Variants in SLC5A1 observed in about 807,000 individuals in gnomAD.
SLC5A1 encodes sodium/glucose cotransporter 1.
In SLC5A1, 42 loss-of-function variants were observed where a neutral mutation model predicts 73.5. That is an observed-to-expected ratio of 0.57 (90% CI 0.45 to 0.74). SLC5A1 has a LOEUF of 0.74. Ranked by LOEUF, SLC5A1 falls within the 30% of genes least tolerant of loss-of-function variation. SLC5A1 has a pLI of 0.00. For synonymous variants in SLC5A1, 300 were observed against 317.4 expected (o/e 0.95, Z 0.58); for missense variants, 634 against 855.4 (o/e 0.74, Z 3.23).
intron 2 of SLC5A1, among the ~76,000 whole-genome samples, chr22:32,064,798 G>A (rs2093969909): frequency 6.6e-6 from 1 of 152,120 alleles, no homozygotes; most frequent in South Asian, 2.1e-4. Context: ...CTAAGCCAGG[G>A]ATAGTCTCCC....
At chr22:32,057,935 T>G (rs1380602906) in intron 2 of SLC5A1, among the ~76,000 whole-genome samples, 1 of 152,226 alleles carries the variant, frequency 6.6e-6, no homozygotes, top group Admixed American at 6.5e-5. Flanking sequence ...CTGAGACAGC[T>G]CTGGAATTGT....
At chr22:32,050,320 A>G (rs2093943576) in intron 2 of SLC5A1, among the ~76,000 whole-genome samples, 1 of 152,256 alleles carries the variant, frequency 6.6e-6, no homozygotes, top group Admixed American at 6.5e-5. Context: ...CCCAAGGAAC[A>G]TATCACAGGG....
intron 11 of SLC5A1, among the ~76,000 whole-genome samples, chr22:32,094,825 T>G (rs2149495184): frequency 6.6e-6 from 1 of 152,240 alleles, no homozygotes; most frequent in Non-Finnish European, 1.5e-5. Context: ...TATTTTTTTT[T>G]TGGTTTCACT....
intron 5 of SLC5A1, 118 bp downstream of exon 5, chr22:32,068,718 C>A: frequency 1.4e-6 from 1 of 731,228 alleles, no homozygotes; most frequent in Non-Finnish European, 2.4e-6. Flanking sequence ...CCCCTTAAGC[C>A]TTCTTGCGCC....
At chr22:32,075,908 A>G (rs1259109969) in intron 5 of SLC5A1, among the ~76,000 whole-genome samples, 2 of 152,246 alleles carry the variant, frequency 1.3e-5, no homozygotes, top group South Asian at 2.1e-4. Flanking sequence ...ACTTCAAGAC[A>G]CACAGGAATG....
chr22:32,054,106 G>C (rs1238617145), intron 2 of SLC5A1, among the ~76,000 whole-genome samples: 2 of 152,162 alleles, frequency 1.3e-5, no homozygotes, highest in African/African-American at 2.4e-5. Context: ...CCAGGAGATG[G>C]AGGTTGCAGT....
At chr22:32,056,576 T>C (rs935703220) in intron 2 of SLC5A1, among the ~76,000 whole-genome samples, 2 of 152,100 alleles carry the variant, frequency 1.3e-5, no homozygotes. Flanking sequence ...TCTCGTGTTC[T>C]GATTATGTTA....
At chr22:32,046,531 T>C (rs2036731071) in intron 1 of SLC5A1, among the ~76,000 whole-genome samples, 1 of 152,206 alleles carries the variant, frequency 6.6e-6, no homozygotes, top group Admixed American at 6.5e-5. Flanking sequence ...TCCTTTTGGC[T>C]CTGGGCTCAG....
At chr22:32,069,644 C>T (rs2093979646) in intron 5 of SLC5A1, among the ~76,000 whole-genome samples, 1 of 152,106 alleles carries the variant, frequency 6.6e-6, no homozygotes, top group South Asian at 2.1e-4. Context: ...TCATGTAGTA[C>T]ATGATAAATA....
Position 32,065,536 on chromosome 22 carries a change from C to T in SLC5A1, c.208-1399C>T, listed in dbSNP as rs189475358. On this transcript the variant is annotated intron_variant, in intron 2 of 14. Transcript: ENST00000266088. ...TTCTCTTCATAGCACTTACCACTCT[C>T]GGATCATTGTTTTTGTTGTTTATTT... Among the ~76,000 whole-genome samples the T allele has an allele frequency of 1.1e-4, 17 of 152,260 alleles. No homozygotes were observed. In the East Asian group the frequency reaches 3.1e-3, roughly 28 times the overall value.
Position 32,067,052 on chromosome 22 carries a change from G to A in SLC5A1, c.312+13G>A. On this transcript the variant is annotated intron_variant, in intron 3 of 14. Coordinates refer to ENST00000266088, the MANE Select transcript of SLC5A1 (RefSeq NM_000343.4). ...CTTTGAATGGAATGTGAGTAACACT[G>A]CAGCCATGGTGCACTGGGGCTGGAA... 6.3e-7 allele frequency: 1 copy of A among 1,585,166 alleles called. No homozygotes were observed. The highest frequency in any genetic ancestry group is 1.3e-5 in the African/African-American group (1 of 74,452).
chr22:32,056,609 G>C (rs1252610612), intron 2 of SLC5A1, among the ~76,000 whole-genome samples: 1 of 152,098 alleles, frequency 6.6e-6, no homozygotes, highest in African/African-American at 2.4e-5. Context: ...CACTATTGGA[G>C]GATATCCCAA....
chr22:32,084,399 A>C, intron 7 of SLC5A1, 40 bp from the exon 8 acceptor site: 1 of 1,562,336 alleles, frequency 6.4e-7, no homozygotes, highest in Non-Finnish European at 8.8e-7. Flanking sequence ...TGACGAGTTG[A>C]AGGTTTCAGA....
chr22:32,067,113 A>C, intron 3 of SLC5A1, 74 bp downstream of exon 3: 2 of 1,231,200 alleles, frequency 1.6e-6, no homozygotes, highest in Non-Finnish European at 2.4e-6. Flanking sequence ...ATCTATGCTC[A>C]GAGGAGCTGA....
At chr22:32,049,411 TTTTC>T (rs906719351) in intron 1 of SLC5A1, among the ~76,000 whole-genome samples, 3 of 94,096 alleles carry the variant, frequency 3.2e-5, no homozygotes, top group Non-Finnish European at 7.9e-5. Flanking sequence ...TGATATTTCT[TTTTC>T]TTTTTTTTTT....
chr22:32,083,716 A>T (rs1021517514), intron 7 of SLC5A1, among the ~76,000 whole-genome samples: 3 of 151,540 alleles, frequency 2.0e-5, no homozygotes, highest in African/African-American at 7.3e-5. Flanking sequence ...TAAAGATGAG[A>T]CTGGAGAACC....
intron 5 of SLC5A1, among the ~76,000 whole-genome samples, chr22:32,078,045 C>A (rs2093993805): frequency 6.6e-6 from 1 of 152,164 alleles, no homozygotes; most frequent in Non-Finnish European, 1.5e-5. Flanking sequence ...ATATGCGCAT[C>A]ATTTTGTTGT....
At chr22:32,079,968 T>C (rs564122919) in intron 5 of SLC5A1, among the ~76,000 whole-genome samples, 2 of 152,282 alleles carry the variant, frequency 1.3e-5, no homozygotes, top group East Asian at 3.9e-4. Flanking sequence ...AATGCTTTCC[T>C]CACTGCAGAC....
At chr22:32,056,702 G>T (rs1482649281) in intron 2 of SLC5A1, among the ~76,000 whole-genome samples, 1 of 152,148 alleles carries the variant, frequency 6.6e-6, no homozygotes, top group East Asian at 1.9e-4. Context: ...AAGGACAAAA[G>T]CAGGGAGCAG....
Sources: gnomAD v4.1 joint callset for allele counts (sites outside exome capture counted in the v4.1 genomes callset) on GRCh38, gnomAD v4.1.1 for gene constraint, MANE v1.5 for transcripts, NCBI Gene and HGNC (gene_info 2026-07-23, HGNC 2026-07-21) for gene names.